METTL25: variants seen among roughly 807,000 people sequenced by gnomAD.
METTL25 encodes probable methyltransferase-like protein 25.
A neutral mutation model predicts 71.6 loss-of-function variants in METTL25; 64 were observed. The ratio of observed to expected loss-of-function variants is 0.89; its 90% CI spans 0.73 to 1.10. METTL25 has a LOEUF of 1.10. Ranked by LOEUF, METTL25 falls within the 50% of genes least tolerant of loss-of-function variation. The pLI is 0.00. For synonymous variants in METTL25, 287 were observed against 250.3 expected, an observed-to-expected ratio of 1.15 and a Z score of -1.38; for missense variants, 807 against 707.0, an observed-to-expected ratio of 1.14 and a Z score of -1.60.
intron 5 of METTL25, among the ~76,000 whole-genome samples, chr12:82,412,221 C>T (rs1300957001): frequency 6.6e-6 from 1 of 151,944 alleles, no homozygotes; most frequent in Non-Finnish European, 1.5e-5. Flanking sequence ...GTATTTTTTC[C>T]TTAATAGGTA....
intron 3 of METTL25, among the ~76,000 whole-genome samples, chr12:82,397,786 G>T (rs1419145609): frequency 6.6e-6 from 1 of 151,474 alleles, no homozygotes; most frequent in African/African-American, 2.4e-5. Flanking sequence ...TTTTCCCATT[G>T]ATTTATATGT....
At chr12:82,382,297 A>G (rs1412297230) in intron 1 of METTL25, among the ~76,000 whole-genome samples, 3 of 152,220 alleles carry the variant, frequency 2.0e-5, no homozygotes, top group Non-Finnish European at 4.4e-5. Flanking sequence ...AGGCTGTGTG[A>G]TAATGATGTT....
chr12:82,386,440 T>TCCCC (rs1885011513), intron 1 of METTL25, among the ~76,000 whole-genome samples: 3 of 66,608 alleles, frequency 4.5e-5, no homozygotes, highest in Non-Finnish European at 6.3e-5. Context: ...CCTCCCTCCC[T>TCCCC]CCCTCCCTCC....
At chr12:82,467,616 T>C (rs368437270) in intron 9 of METTL25, among the ~76,000 whole-genome samples, 2 of 152,270 alleles carry the variant, frequency 1.3e-5, no homozygotes, top group East Asian at 1.9e-4. Context: ...TGCCATTCTT[T>C]CCTGTCCTAT....
intron 8 of METTL25, among the ~76,000 whole-genome samples, chr12:82,448,757 G>A (rs1890927041): frequency 6.6e-6 from 1 of 152,052 alleles, no homozygotes. Context: ...CTTTTAAACT[G>A]AAAAGTAACT....
chr12:82,422,449 G>A (rs972987243), intron 5 of METTL25, among the ~76,000 whole-genome samples: 3 of 152,088 alleles, frequency 2.0e-5, no homozygotes, highest in Non-Finnish European at 2.9e-5. Flanking sequence ...ATACTGAATG[G>A]GCAAAAACTG....
At chr12:82,387,938 T>C (rs1007279175) in intron 2 of METTL25, among the ~76,000 whole-genome samples, 15 of 151,910 alleles carry the variant, frequency 9.9e-5, no homozygotes, top group African/African-American at 3.4e-4. Flanking sequence ...AGAATATCTT[T>C]TAGAGCCATT....
At chr12:82,450,054 CTT>C (rs1280382437) in intron 8 of METTL25, among the ~76,000 whole-genome samples, 3 of 152,156 alleles carry the variant, frequency 2.0e-5, no homozygotes, top group Non-Finnish European at 2.9e-5. Flanking sequence ...ATTTTCCACT[CTT>C]TATTGAAACA....
At chr12:82,406,860 A>C (rs1380869272) in intron 5 of METTL25, among the ~76,000 whole-genome samples, 1 of 152,182 alleles carries the variant, frequency 6.6e-6, no homozygotes, top group Non-Finnish European at 1.5e-5. Flanking sequence ...GAGGTTAATC[A>C]GACAAGGAAG....
At chr12:82,407,786 A>T (rs1158552908) in intron 5 of METTL25, 4 of 982,606 alleles carry the variant, frequency 4.1e-6, no homozygotes, top group Non-Finnish European at 4.8e-6. Context: ...AGTGATAGGA[A>T]TAATGAAAGT....
At chr12:82,443,719 A>G (rs1890531689) in intron 8 of METTL25, among the ~76,000 whole-genome samples, 1 of 152,186 alleles carries the variant, frequency 6.6e-6, no homozygotes, top group African/African-American at 2.4e-5. Flanking sequence ...AAGTATAGAC[A>G]GCATGTGCAG....
At position 82,435,892 on chromosome 12, in the gene METTL25, C is replaced by T. The variant is rs193180326; in HGVS notation, c.1404+1168C>T. On this transcript the variant is annotated intron_variant, in intron 7 of 11. Coordinates refer to ENST00000248306, the MANE Select transcript of METTL25 (RefSeq NM_032230.3). ...TACCAAAGTACTATTTAAAGATCTT[C>T]TCATCAATTGAGATAATAAATACAT... 5.3e-5 allele frequency among the ~76,000 whole-genome samples: 8 copies of T among 151,450 alleles called. No individual in the cohort carries two copies. The East Asian group carries it at 1.6e-3, about 29-fold the overall frequency.
rs73151493 is a variant in METTL25 at position 82,415,895 on chromosome 12, C to G, written c.1279+12765C>G. Among the ~76,000 whole-genome samples the G allele has an allele frequency of 6.3e-3, 958 of 152,232 alleles. 7 individuals are homozygous for G. Among genetic ancestry groups the G allele is most frequent in the Middle Eastern group, 0.017 (5 of 294 alleles). ...AGTCAAGTTGACACATGAAATTAAC[C>G]GTCACACTTGGCGTGGCCCAGTAGG... On this transcript the variant is annotated intron_variant, in intron 5 of 11. Transcript: ENST00000248306.
intron 7 of METTL25, among the ~76,000 whole-genome samples, chr12:82,434,932 A>G (rs1889805542): frequency 6.6e-6 from 1 of 151,556 alleles, no homozygotes; most frequent in Non-Finnish European, 1.5e-5. Context: ...TGTCTGCATT[A>G]TGCTCTTATA....
intron 9 of METTL25, among the ~76,000 whole-genome samples, chr12:82,469,251 G>C (rs575388976): frequency 3.9e-5 from 6 of 152,072 alleles, no homozygotes; most frequent in Non-Finnish European, 1.5e-5. Flanking sequence ...AACTGCATGT[G>C]GTTCTGTTGA....
At position 82,440,092 on chromosome 12, in the gene METTL25, C is replaced by T. The variant is rs1207688153; in HGVS notation, c.1478+1301C>T. On this transcript the variant is annotated intron_variant, in intron 8 of 11. Coordinates refer to ENST00000248306, the MANE Select transcript of METTL25 (RefSeq NM_032230.3). ...TTCTCTAAAATCTCTTCCTCATTAT[C>T]TTCCATTATTCTGTATTCTCTGAGT... Among the ~76,000 whole-genome samples the T allele has an allele frequency of 5.3e-5, 8 of 152,022 alleles. No homozygotes were observed. In the East Asian group the frequency reaches 1.6e-3, roughly 29 times the overall value.
chr12:82,377,386 T>C lies in METTL25; in HGVS notation c.260-9417T>C, dbSNP rs187548877. Among the ~76,000 whole-genome samples the C allele has an allele frequency of 1.4e-3, 219 of 152,348 alleles. 1 individual carries two copies. Among genetic ancestry groups the C allele is most frequent in the African/African-American group, 5.1e-3 (212 of 41,584 alleles). ...ATAACCATTTACTGTTATTAACATA[T>C]GTTGTCAAATGGAATATTCTGACCT... On this transcript the variant is annotated intron_variant, in intron 1 of 11. Transcript: ENST00000248306.
chr12:82,371,718 T>C (rs1883254052), intron 1 of METTL25, among the ~76,000 whole-genome samples: 1 of 152,152 alleles, frequency 6.6e-6, no homozygotes. Context: ...GGTAATAAAC[T>C]TGTCTTTTAA....
chr12:82,387,039 ATCT>A, intron 2 of METTL25, 72 bp downstream of exon 2: 1 of 1,201,404 alleles, frequency 8.3e-7, no homozygotes, highest in Non-Finnish European at 1.2e-6. Flanking sequence ...ATATATGTGT[ATCT>A]TTCCAAAATA....
Sources: allele counts gnomAD v4.1 joint callset (sites outside exome capture counted in the v4.1 genomes callset), GRCh38; gene constraint gnomAD v4.1.1; transcripts MANE v1.5; gene names NCBI Gene and HGNC (gene_info 2026-07-23, HGNC 2026-07-21).